PCDHGB1: variants seen among roughly 807,000 people sequenced by gnomAD.
The protein encoded by PCDHGB1 is protocadherin gamma subfamily B, 1, also known as protocadherin gamma-B1.
PCDHGB1 carries 34 observed loss-of-function variants against 56.6 expected under a neutral mutation model. That is an observed-to-expected ratio of 0.60 (90% CI 0.46 to 0.80). The LOEUF (loss-of-function observed/expected upper bound fraction) is 0.80, where lower values mean the gene tolerates loss of function less well. Ranked by LOEUF, PCDHGB1 falls within the 30% of genes least tolerant of loss-of-function variation. PCDHGB1 has a pLI of 0.00. For missense variants in PCDHGB1, 1,278 were observed against 1,204.6 expected (o/e 1.06, Z -0.90); for synonymous variants, 561 against 505.9 (o/e 1.11, Z -1.46).
intron 1 of PCDHGB1, among the ~76,000 whole-genome samples, chr5:141,481,676 G>A (rs975849679): frequency 3.3e-5 from 5 of 152,028 alleles, no homozygotes; most frequent in Admixed American, 1.3e-4. Flanking sequence ...AAATCAGGCC[G>A]GGCCTGGTGG....
chr5:141,378,324 A>G (rs1774802625), intron 1 of PCDHGB1: 1 of 152,258 alleles, frequency 6.6e-6, no homozygotes, highest in African/African-American at 2.4e-5. Flanking sequence ...GGAGTTCGAG[A>G]CCAGCCTGAC....
At position 141,485,683 on chromosome 5, in the gene PCDHGB1, T is replaced by C. The variant is rs2099617681; in HGVS notation, c.2410-9124T>C. ...TGGGGAGCAATTCGATTAGCAGCTA[T>C]AGGCTGAGCTCCAATGAACACTTTG... On this transcript the variant is annotated intron_variant, in intron 1 of 3. Coordinates refer to ENST00000523390, the MANE Select transcript of PCDHGB1 (RefSeq NM_018922.3). This position sits in a 1 kb window ranked among gnomAD's most constrained non-coding sequence, Gnocchi z 5.7. 3.7e-6 allele frequency: 6 copies of C among 1,614,042 alleles called. No individual in the cohort carries two copies. The South Asian group carries it at 4.4e-5, about 12-fold the overall frequency.
intron 1 of PCDHGB1, among the ~76,000 whole-genome samples, chr5:141,450,783 G>A (rs2879228): frequency 0.25 from 37,099 of 150,510 alleles, 4,810 homozygotes; most frequent in Admixed American, 0.32. Flanking sequence ...CACCGTGCCC[G>A]GACCTCATGA....
intron 2 of PCDHGB1, among the ~76,000 whole-genome samples, chr5:141,500,695 T>G (rs1214079801): frequency 1.3e-5 from 2 of 152,214 alleles, no homozygotes; most frequent in Admixed American, 6.5e-5. Flanking sequence ...TTTTTCTTCT[T>G]TGCAGTGTAT....
At chr5:141,371,418 G>T in intron 1 of PCDHGB1, 1 of 1,614,006 alleles carries the variant, frequency 6.2e-7, no homozygotes. Flanking sequence ...AGATGAAAAT[G>T]ACAATGCCCC....
At chr5:141,403,701 A>C in intron 1 of PCDHGB1, 2 of 1,613,934 alleles carry the variant, frequency 1.2e-6, no homozygotes, top group South Asian at 2.2e-5. Flanking sequence ...TACCGAGTTA[A>C]AGTCCTTGAG....
Position 141,487,522 on chromosome 5 carries a change from T to G in PCDHGB1, c.2410-7285T>G, listed in dbSNP as rs764726787. Reference sequence around the variant, plus strand: ...TGGCTTCTGCACCCACTCGGAGTGATAGCTTCATGATGGTGAAGTCACCCA... The same window carrying G: ...TGGCTTCTGCACCCACTCGGAGTGAGAGCTTCATGATGGTGAAGTCACCCA... On this transcript the variant is annotated intron_variant, in intron 1 of 3. Transcript: ENST00000523390. This position sits in a 1 kb window ranked among gnomAD's most constrained non-coding sequence, Gnocchi z 5.0. The G allele has an allele frequency of 6.2e-7, 1 of 1,614,166 alleles. No individual in the cohort carries two copies. The highest frequency in any genetic ancestry group is 8.5e-7 in the Non-Finnish European group (1 of 1,180,022).
intron 1 of PCDHGB1, chr5:141,375,627 A>AGGAG (rs773199374): frequency 2.9e-5 from 46 of 1,613,948 alleles, no homozygotes; most frequent in Non-Finnish European, 3.6e-5. Flanking sequence ...GGGATTCTGT[A>AGGAG]CGCCCTGCGC....
chr5:141,393,622 A>C (rs776047060), intron 1 of PCDHGB1: 1 of 1,613,960 alleles, frequency 6.2e-7, no homozygotes, highest in Admixed American at 1.7e-5. Context: ...AGCGACCCGG[A>C]TGAGGGAATC....
chr5:141,351,110 A>G lies in PCDHGB1; in HGVS notation c.850A>G (p.Ser284Gly), dbSNP rs1185497044. 5 of 1,613,972 alleles carry G rather than the reference A, an allele frequency of 3.1e-6. No individual in the cohort carries two copies. In the South Asian group the frequency reaches 5.5e-5, roughly 18 times the overall value. ...ITYAFLNSPI[S>G]TSLFNLNPNT... ...CTATGCCTTCCTCAATTCCCCAATA[A>G]GTACCAGCCTCTTCAATCTCAATCC... is the stretch of plus-strand genomic sequence containing the variant. The change falls in exon 1 of 4, where the codon AGT becomes GGT. Residue 284 changes from serine (S) to glycine (G), a missense_variant. By Grantham distance (56) the Ser-to-Gly change is moderately conservative. Transcript: ENST00000523390.
chr5:141,370,525 G>A, intron 1 of PCDHGB1: 2 of 1,613,874 alleles, frequency 1.2e-6, no homozygotes, highest in South Asian at 1.1e-5. Context: ...CTGGACAGGG[G>A]CTCGCTGGTA....
At position 141,363,638 on chromosome 5, in the gene PCDHGB1, C is replaced by A. The variant is rs116516403; in HGVS notation, c.2409+10969C>A. ...TGGAGAGACTTTCTCAAAGTCCTCA[C>A]AAGTAACAAAGATCTTTATTTCTTC... On this transcript the variant is annotated intron_variant, in intron 1 of 3. Coordinates refer to ENST00000523390, the MANE Select transcript of PCDHGB1 (RefSeq NM_018922.3). 6.6e-4 allele frequency among the ~76,000 whole-genome samples: 101 copies of A among 152,308 alleles called. 1 individual carries two copies. The highest frequency in any genetic ancestry group is 2.4e-3 in the African/African-American group (100 of 41,570).
intron 1 of PCDHGB1, among the ~76,000 whole-genome samples, chr5:141,473,329 G>A (rs2099319416): frequency 6.6e-6 from 1 of 152,212 alleles, no homozygotes; most frequent in Non-Finnish European, 1.5e-5. Context: ...TTAAGTGCCT[G>A]CTGTGCTAGA....
chr5:141,421,850 C>T, intron 1 of PCDHGB1: 1 of 1,613,752 alleles, frequency 6.2e-7, no homozygotes, highest in Non-Finnish European at 8.5e-7. Context: ...AAAGAGGCTG[C>T]TCACCTGCTC....
chr5:141,366,516 GCA>G (rs1377618630), intron 1 of PCDHGB1: 10 of 1,614,156 alleles, frequency 6.2e-6, no homozygotes, highest in East Asian at 4.5e-5. Context: ...CAGGCTGAAG[GCA>G]GCAGGTTGGC....
intron 1 of PCDHGB1, chr5:141,399,868 G>A (rs1410554488): frequency 6.2e-7 from 1 of 1,612,710 alleles, no homozygotes; most frequent in African/African-American, 1.3e-5. Flanking sequence ...TGCAGAGCCC[G>A]GCTACCTGGT....
intron 1 of PCDHGB1, among the ~76,000 whole-genome samples, chr5:141,445,885 G>A (rs1171777990): frequency 1.3e-5 from 2 of 152,148 alleles, no homozygotes; most frequent in African/African-American, 4.8e-5. Flanking sequence ...CTTGTACTTA[G>A]GAGCTATTAA....
chr5:141,460,766 A>G (rs1370331016), intron 1 of PCDHGB1, among the ~76,000 whole-genome samples: 1 of 152,056 alleles, frequency 6.6e-6, no homozygotes, highest in Non-Finnish European at 1.5e-5. Flanking sequence ...TACATATTGC[A>G]TATGTATGTA....
At chr5:141,353,833 C>G (rs143341635) in intron 1 of PCDHGB1, among the ~76,000 whole-genome samples, 2 of 152,274 alleles carry the variant, frequency 1.3e-5, no homozygotes, top group African/African-American at 2.4e-5. Flanking sequence ...TTTGTGCGGT[C>G]TTTGAGGATT....
Sources: allele counts gnomAD v4.1 joint callset (sites outside exome capture counted in the v4.1 genomes callset), GRCh38; gene constraint gnomAD v4.1.1; non-coding constraint Gnocchi (gnomAD v3.1); transcripts MANE v1.5; gene names NCBI Gene and HGNC (gene_info 2026-07-23, HGNC 2026-07-21).